Variants in GPHN observed in about 807,000 individuals in gnomAD.
GPHN encodes the protein gephyrin.
Under a neutral mutation model 95.5 loss-of-function variants are expected in GPHN, and 17 were observed. That is an observed-to-expected ratio of 0.18 (90% CI 0.12 to 0.27). The LOEUF (loss-of-function observed/expected upper bound fraction) is 0.27. Among genes scored for constraint, GPHN ranks in the 10% least tolerant of loss-of-function variants. GPHN has a pLI of 1.00. For missense variants in GPHN, 660 were observed against 978.1 expected (o/e 0.67, Z 4.34); for synonymous variants, 320 against 322.5 (o/e 0.99, Z 0.08).
intron 4 of GPHN, among the ~76,000 whole-genome samples, chr14:66,826,575 G>A (rs72728680): frequency 0.044 from 6,616 of 152,084 alleles, 191 homozygotes; most frequent in Middle Eastern, 0.071. Flanking sequence ...TTCCCAAACC[G>A]CGTCCCCCAC....
the GPHN span, among the ~76,000 whole-genome samples, chr14:67,464,830 C>T: frequency 6.6e-6 from 1 of 152,236 alleles, no homozygotes; most frequent in African/African-American, 2.4e-5. Flanking sequence ...GTGCTTTCAA[C>T]CTGGAGTGCC....
the GPHN span, among the ~76,000 whole-genome samples, chr14:67,611,624 G>A: frequency 6.6e-6 from 1 of 151,978 alleles, no homozygotes; most frequent in Admixed American, 6.6e-5. Flanking sequence ...CTTTGTATCG[G>A]TTGCAAAGAA....
At chr14:67,653,511 AAT>A in the GPHN span, 20 of 1,610,994 alleles carry the variant, frequency 1.2e-5, no homozygotes, top group Admixed American at 3.3e-4. Flanking sequence ...GAGAAGAGAA[AAT>A]AGTGATTATT....
chr14:67,323,251 G>A, the GPHN span, among the ~76,000 whole-genome samples: 1 of 142,968 alleles, frequency 7.0e-6, no homozygotes, highest in Non-Finnish European at 1.5e-5. Flanking sequence ...GTGTGTGTGT[G>A]TGTGTGTGTG....
At chr14:67,485,789 G>C in the GPHN span, among the ~76,000 whole-genome samples, 2 of 152,266 alleles carry the variant, frequency 1.3e-5, no homozygotes, top group South Asian at 2.1e-4. Flanking sequence ...GGGCTGTGCA[G>C]TTAGGAGCCT....
chr14:67,612,670 CT>C, the GPHN span, among the ~76,000 whole-genome samples: 1 of 152,176 alleles, frequency 6.6e-6, no homozygotes, highest in African/African-American at 2.4e-5. Flanking sequence ...GGTGCGGTAG[CT>C]CACGCCTGTA....
chr14:67,581,080 G>GGCAC, the GPHN span: 2 of 1,229,052 alleles, frequency 1.6e-6, no homozygotes, highest in Non-Finnish European at 2.4e-6. Context: ...CACAAGGGCT[G>GGCAC]CCACTGGGTG....
At chr14:67,480,247 C>G in the GPHN span, among the ~76,000 whole-genome samples, 1 of 152,130 alleles carries the variant, frequency 6.6e-6, no homozygotes, top group Non-Finnish European at 1.5e-5. Flanking sequence ...AGCCTCCAGG[C>G]AGCCCTTCCT....
chr14:67,653,560 T>A, the GPHN span: 1 of 1,452,588 alleles, frequency 6.9e-7, no homozygotes, highest in Non-Finnish European at 9.6e-7. Context: ...CAATTGAATA[T>A]CCCTAGATTA....
chr14:66,812,785 T>C (rs1364014743), intron 3 of GPHN, among the ~76,000 whole-genome samples: 3 of 152,200 alleles, frequency 2.0e-5, no homozygotes, highest in Non-Finnish European at 2.9e-5. Context: ...CAAAATTTAT[T>C]CCTACTTATT....
At chr14:67,053,645 G>A (rs1175870823) in intron 10 of GPHN, among the ~76,000 whole-genome samples, 1 of 152,058 alleles carries the variant, frequency 6.6e-6, no homozygotes, top group Admixed American at 6.6e-5. Context: ...TCAAAACCTG[G>A]CAGAGATACA....
intron 2 of GPHN, among the ~76,000 whole-genome samples, chr14:66,736,422 G>C (rs1169086604): frequency 7.0e-6 from 1 of 142,864 alleles, no homozygotes. Flanking sequence ...TTTTGAGATG[G>C]AGTTTTGCTC....
intron 2 of GPHN, among the ~76,000 whole-genome samples, chr14:66,690,191 T>A (rs1042237597): frequency 6.6e-6 from 1 of 152,150 alleles, no homozygotes; most frequent in Non-Finnish European, 1.5e-5. Flanking sequence ...TCTCTCTTAC[T>A]ATAGTTTGTG....
chr14:66,721,262 T>A (rs1027397008), intron 2 of GPHN, among the ~76,000 whole-genome samples: 5 of 152,314 alleles, frequency 3.3e-5, no homozygotes, highest in Non-Finnish European at 5.9e-5. Context: ...AAATTGAGAA[T>A]GACAAAAGGC....
chr14:67,103,439 T>C (rs2077840262), intron 13 of GPHN, among the ~76,000 whole-genome samples: 1 of 151,824 alleles, frequency 6.6e-6, no homozygotes, highest in Non-Finnish European at 1.5e-5. Flanking sequence ...TGTAGATCGC[T>C]TTTTTCGTAG....
At chr14:66,517,205 A>G (rs2058284598) in intron 1 of GPHN, among the ~76,000 whole-genome samples, 1 of 151,890 alleles carries the variant, frequency 6.6e-6, no homozygotes, top group Non-Finnish European at 1.5e-5. Context: ...AAGATGAAGG[A>G]ACATTTACAC....
At chr14:67,323,494 A>T in the GPHN span, among the ~76,000 whole-genome samples, 1 of 151,710 alleles carries the variant, frequency 6.6e-6, no homozygotes, top group Non-Finnish European at 1.5e-5. Flanking sequence ...GCATGCCTAT[A>T]GTCCTAGCTA....
the GPHN span, among the ~76,000 whole-genome samples, chr14:67,328,988 A>C: frequency 6.6e-6 from 1 of 152,062 alleles, no homozygotes; most frequent in Non-Finnish European, 1.5e-5. Flanking sequence ...TATGAACTTT[A>C]AAGTAGTTTT....
chr14:67,104,174 G>C (rs572821698), intron 13 of GPHN, among the ~76,000 whole-genome samples: 1 of 152,276 alleles, frequency 6.6e-6, no homozygotes, highest in African/African-American at 2.4e-5. Context: ...CACATTTATT[G>C]ATGGGCATAT....
Sources: gnomAD v4.1 joint callset for allele counts (sites outside exome capture counted in the v4.1 genomes callset) on GRCh38, gnomAD v4.1.1 for gene constraint, MANE v1.5 for transcripts, NCBI Gene and HGNC (gene_info 2026-07-23, HGNC 2026-07-21) for gene names.